The following DNAH14 variants were observed in gnomAD, a reference collection of about 807,000 sequenced individuals.
DNAH14 encodes the protein dynein axonemal heavy chain 14.
Under a neutral mutation model 520.9 loss-of-function variants are expected in DNAH14, and 478 were observed. That is an observed-to-expected ratio of 0.92 (90% CI 0.85 to 0.99). The LOEUF (loss-of-function observed/expected upper bound fraction) is 0.99, where lower values mean the gene tolerates loss of function less well. Ranked by LOEUF, DNAH14 falls within the 50% of genes least tolerant of loss-of-function variation. DNAH14 has a pLI of 0.00. For synonymous variants in DNAH14, 1,581 were observed against 1,757.2 expected, an observed-to-expected ratio of 0.90 and a Z score of 2.51; for missense variants, 4,831 against 5,234.5, an observed-to-expected ratio of 0.92 and a Z score of 2.38.
intron 36 of DNAH14, among the ~76,000 whole-genome samples, chr1:225,182,023 C>T (rs1346290855): frequency 6.6e-6 from 1 of 151,488 alleles, no homozygotes; most frequent in African/African-American, 2.4e-5. Flanking sequence ...CCTGTCTTTA[C>T]TAAAAAATAA....
intron 37 of DNAH14, among the ~76,000 whole-genome samples, chr1:225,188,341 G>A (rs577873340): frequency 1.7e-4 from 26 of 151,998 alleles, no homozygotes; most frequent in African/African-American, 6.0e-4. Context: ...CACAAGAAGA[G>A]TGAGTACAGT....
chr1:225,110,156 G>T (rs1449510862), intron 23 of DNAH14, among the ~76,000 whole-genome samples: 2 of 151,926 alleles, frequency 1.3e-5, no homozygotes, highest in African/African-American at 4.8e-5. Context: ...TTTTTAATGT[G>T]TCTTTGTCTG....
rs1206635141 is a variant in DNAH14, at chr1:225,305,041, C to T, written c.8957C>T (p.Thr2986Ile). The T allele has an allele frequency of 2.6e-6, 4 of 1,542,176 alleles. No individual in the cohort carries two copies. The highest frequency in any genetic ancestry group is 3.5e-6 in the Non-Finnish European group (4 of 1,145,014). ...AATAGCTACTTGCAATTTATGGAAA[C>T]ATTTGCACACATTTTGAGGGCACGA... ...TPNSYLQFME[T>I]FAHILRAREE... Residue 2986 changes from threonine (T) to isoleucine (I), a missense_variant, in exon 58 of 86, where the codon ACA (threonine) becomes ATA (isoleucine). Thr to Ile is a moderately conservative substitution (Grantham distance 89). Transcript: ENST00000682510.
chr1:225,008,575 C>CTTTTTTTTTTT (rs57331050), intron 10 of DNAH14, among the ~76,000 whole-genome samples: 112 of 98,294 alleles, frequency 1.1e-3, no homozygotes, highest in African/African-American at 2.8e-3. Context: ...TTTTTCCTGA[C>CTTTTTTTTTTT]TTTTTTTTTT....
In DNAH14 at chr1:225,232,280, T is replaced by TATATACACACACAC. The variant is rs1553258510; in HGVS notation, c.6518+1130_6518+1131insTATACACACACACA. Among the ~76,000 whole-genome samples, 1 of 149,482 alleles carries TATATACACACACAC rather than the reference T, an allele frequency of 6.7e-6. No homozygotes were observed. The highest frequency in any genetic ancestry group is 2.0e-4 in the East Asian group (1 of 5,092). On this transcript the variant is annotated intron_variant, in intron 42 of 85. Transcript: ENST00000682510. This position sits in a 1 kb window ranked among gnomAD's most constrained non-coding sequence, Gnocchi z 4.2. ...ATATATAAACTGTGATATATATATATACACACACACACACACACACGTGTA... is the reference window on the plus strand; with the variant it reads ...ATATATAAACTGTGATATATATATATATATACACACACACACACACACACACACACACACGTGTA...
intron 41 of DNAH14, among the ~76,000 whole-genome samples, chr1:225,217,243 C>G (rs2149486992): frequency 6.6e-6 from 1 of 152,322 alleles, no homozygotes; most frequent in South Asian, 2.1e-4. Flanking sequence ...GCAAATGTTG[C>G]TGTGTGATCC....
chr1:225,245,133 C>G (rs904577561), intron 43 of DNAH14, among the ~76,000 whole-genome samples: 1 of 152,136 alleles, frequency 6.6e-6, no homozygotes, highest in Non-Finnish European at 1.5e-5. Context: ...GCAGGTTGCT[C>G]AGTTTCCATG....
intron 35 of DNAH14, among the ~76,000 whole-genome samples, chr1:225,161,733 T>C (rs2081537856): frequency 6.6e-6 from 1 of 152,198 alleles, no homozygotes; most frequent in Non-Finnish European, 1.5e-5. Flanking sequence ...TCATTGTAGT[T>C]TGATTTGTAT....
intron 8 of DNAH14, among the ~76,000 whole-genome samples, chr1:224,985,901 A>G (rs981575642): frequency 2.0e-5 from 3 of 152,062 alleles, no homozygotes; most frequent in African/African-American, 7.2e-5. Context: ...TGCCTACAAG[A>G]TCTAGAAAAT....
chr1:225,299,922 C>A (rs2094106227), intron 55 of DNAH14, among the ~76,000 whole-genome samples: 1 of 152,190 alleles, frequency 6.6e-6, no homozygotes, highest in African/African-American at 2.4e-5. Flanking sequence ...CCCACCTGAA[C>A]TGAAATACCA....
chr1:225,079,603 CT>C, intron 18 of DNAH14, 55 bp downstream of exon 18: 1 of 1,343,776 alleles, frequency 7.4e-7, no homozygotes, highest in Non-Finnish European at 1.0e-6. Context: ...TGATCTTAGT[CT>C]CGTAAGTCCA....
At chr1:225,055,622 G>A (rs914035780) in intron 17 of DNAH14, among the ~76,000 whole-genome samples, 1 of 151,768 alleles carries the variant, frequency 6.6e-6, no homozygotes, top group Non-Finnish European at 1.5e-5. Context: ...TGCCATGTTG[G>A]TGTGCTGCAC....
chr1:225,006,242 C>CATA (rs1218770178), intron 9 of DNAH14, among the ~76,000 whole-genome samples: 18 of 152,230 alleles, frequency 1.2e-4, no homozygotes, highest in African/African-American at 4.3e-4. Flanking sequence ...CCCCTCAGGA[C>CATA]CCTGTTATGA....
At chr1:225,049,907 A>G (rs2068376788) in intron 15 of DNAH14, among the ~76,000 whole-genome samples, 1 of 152,066 alleles carries the variant, frequency 6.6e-6, no homozygotes, top group Non-Finnish European at 1.5e-5. Flanking sequence ...TAATGGTATA[A>G]TGCTCTCCAC....
chr1:225,176,865 C>G (rs1051037486), intron 36 of DNAH14, among the ~76,000 whole-genome samples: 55 of 152,148 alleles, frequency 3.6e-4, no homozygotes, highest in African/African-American at 1.3e-3. Flanking sequence ...TTGGGTATGT[C>G]TCTATCAGCA....
intron 41 of DNAH14, among the ~76,000 whole-genome samples, chr1:225,213,158 A>G (rs80160356): frequency 0.059 from 8,911 of 152,250 alleles, 485 homozygotes; most frequent in East Asian, 0.23. Flanking sequence ...CCATTTATTA[A>G]ATAGGGAATC....
intron 36 of DNAH14, among the ~76,000 whole-genome samples, chr1:225,177,326 T>C (rs2083442598): frequency 6.6e-6 from 1 of 152,184 alleles, no homozygotes; most frequent in South Asian, 2.1e-4. Context: ...CATTCCATTT[T>C]ATAAGGGAAG....
chr1:225,078,810 CTCTCT>C (rs1558883200), intron 17 of DNAH14, among the ~76,000 whole-genome samples: 2 of 63,258 alleles, frequency 3.2e-5, no homozygotes, highest in East Asian at 4.4e-4. Flanking sequence ...CTCTCTCTCT[CTCTCT>C]CTCTCTCTCC....
intron 52 of DNAH14, among the ~76,000 whole-genome samples, chr1:225,275,078 C>T (rs533417358): frequency 6.6e-6 from 1 of 152,202 alleles, no homozygotes; most frequent in East Asian, 1.9e-4. Flanking sequence ...CTAAGGTCAC[C>T]CTGCTAGTTA....
Sources: allele counts gnomAD v4.1 joint callset (sites outside exome capture counted in the v4.1 genomes callset), GRCh38; gene constraint gnomAD v4.1.1; non-coding constraint Gnocchi (gnomAD v3.1); transcripts MANE v1.5; gene names NCBI Gene and HGNC (gene_info 2026-07-23, HGNC 2026-07-21).